COL12A1: variants seen among roughly 807,000 people sequenced by gnomAD.
COL12A1 encodes collagen type XII alpha 1 chain, also known as collagen alpha-1(XII) chain.
A neutral mutation model predicts 349.7 loss-of-function variants in COL12A1; 114 were observed. The observed-to-expected ratio is 0.33, with a 90% CI of 0.28 to 0.38. COL12A1 has a LOEUF of 0.38. COL12A1 is among the 10% of genes least tolerant of loss of function. The probability of loss-of-function intolerance (pLI) is 1.00; values close to 1 mark genes in which losing one functional copy is unlikely to be tolerated. For synonymous variants in COL12A1, 1,369 were observed against 1,329.0 expected (o/e 1.03, Z -0.66); for missense variants, 3,284 against 3,756.9 (o/e 0.87, Z 3.29).
At chr6:75,120,981 T>A (rs1769330781) in intron 44 of COL12A1, among the ~76,000 whole-genome samples, 1 of 152,192 alleles carries the variant, frequency 6.6e-6, no homozygotes, top group Admixed American at 6.5e-5. Flanking sequence ...AAGAATTTAA[T>A]ATCCAGAACT....
At position 75,202,742 on chromosome 6, in the gene COL12A1, G is replaced by A; in HGVS notation, c.51C>T (p.Leu17=). 2.3e-5 allele frequency: 35 copies of A among 1,551,912 alleles called. No homozygotes were observed. Among genetic ancestry groups the A allele is most frequent in the Non-Finnish European group, 2.9e-5 (33 of 1,147,046 alleles). Residue 17 remains leucine (L), a synonymous_variant, in exon 2 of 66, where the codon CTC becomes CTT. Transcript: ENST00000322507. Reference sequence around the variant, plus strand: ...TACCTTCTGCCTCAATGGAAGACAGGAGCAGGGCCGCGCCCAGGGCGGCAA... The same window carrying A: ...TACCTTCTGCCTCAATGGAAGACAGAAGCAGGGCCGCGCCCAGGGCGGCAA... The part of the protein sequence containing the change: ...PALAALGAAL[L]LSSIEAEVDP...
rs267601120 is a variant in COL12A1, at chr6:75,087,621, G to T, written c.9137C>A (p.Ser3046Tyr). 2 of 1,613,874 alleles carry T rather than the reference G, an allele frequency of 1.2e-6. No homozygotes were observed. The highest frequency in any genetic ancestry group is 1.7e-6 in the Non-Finnish European group (2 of 1,179,872). ...GPPGPPGYCD[S>Y]SQCASIPYNG... ...GTATGGGATGCTGGCACACTGAGAA[G>T]AATCACAGTATCCAGGAGGACCTGG... The change falls in exon 65 of 66, where the codon TCT becomes TAT. Residue 3046 changes from serine (S) to tyrosine (Y), a missense_variant. Around this residue, in one of 2 missense-constraint regions of COL12A1, gnomAD observed 683 missense variants for 932.1 expected, o/e 0.73. Coordinates refer to ENST00000322507, the MANE Select transcript of COL12A1 (RefSeq NM_004370.6).
rs756368336 is a variant in COL12A1 at position 75,181,009 on chromosome 6, C to G, written c.2094G>C (p.Leu698Phe). 32 of 1,613,866 alleles carry G rather than the reference C, an allele frequency of 2.0e-5. No homozygotes were observed. The highest frequency in any genetic ancestry group is 4.0e-5 in the African/African-American group (3 of 74,846). Residue 698 changes from leucine (L) to phenylalanine (F), a missense_variant, in exon 11 of 66, where the codon TTG becomes TTC. Coordinates refer to ENST00000322507, the MANE Select transcript of COL12A1 (RefSeq NM_004370.6). Reference protein sequence around the residue: ...LSSLKPETLYLVNVTAEYEDG... With the variant: ...LSSLKPETLYFVNVTAEYEDG... The stretch of plus-strand genomic sequence containing the variant: ...CCTCATACTCCGCAGTCACATTGAC[C>G]AAATACAAGGTCTCTGGCTTCAGGC...
intron 14 of COL12A1, among the ~76,000 whole-genome samples, chr6:75,162,575 C>A (rs1562254138): frequency 6.6e-6 from 1 of 152,140 alleles, no homozygotes; most frequent in Non-Finnish European, 1.5e-5. Context: ...AAAACCTATG[C>A]AATACCATTT....
intron 58 of COL12A1, among the ~76,000 whole-genome samples, chr6:75,100,813 T>A (rs1768271627): frequency 6.6e-6 from 1 of 152,224 alleles, no homozygotes; most frequent in South Asian, 2.1e-4. Flanking sequence ...GTCATATATT[T>A]TAACTTGATT....
rs551572211 is a variant in COL12A1 at position 75,168,791 on chromosome 6, G to T, written c.2711-3012C>A. Reference sequence around the variant, plus strand: ...AGGTGTGCTGGGTCAGTGTGGGAAGGAACCTCAAATCTGCTTTCACATAGA... The same window carrying T: ...AGGTGTGCTGGGTCAGTGTGGGAAGTAACCTCAAATCTGCTTTCACATAGA... On this transcript the variant is annotated intron_variant, in intron 13 of 65. Transcript: ENST00000322507. Among the ~76,000 whole-genome samples the T allele has an allele frequency of 4.3e-4, 66 of 152,268 alleles. No homozygotes were observed. The South Asian group carries it at 7.9e-3, about 18-fold the overall frequency.
At chr6:75,095,340 G>T (rs564793457) in intron 59 of COL12A1, among the ~76,000 whole-genome samples, 161 bp from the exon 60 acceptor site, 1 of 152,258 alleles carries the variant, frequency 6.6e-6, no homozygotes, top group African/African-American at 2.4e-5. Context: ...AAATAGGGCC[G>T]GGCGCGGTGG....
intron 10 of COL12A1, 115 bp from the exon 11 acceptor site, chr6:75,181,326 T>C: frequency 1.0e-6 from 1 of 986,188 alleles, no homozygotes; most frequent in Non-Finnish European, 1.5e-6. Context: ...ATGGTGCTCA[T>C]TGAGACTACT....
chr6:75,134,717 T>A lies in COL12A1; in HGVS notation c.5524+9A>T. On this transcript the variant is annotated intron_variant, in intron 32 of 65. Coordinates refer to ENST00000322507, the MANE Select transcript of COL12A1 (RefSeq NM_004370.6). ...TTAAAGAAGCTATAGGAACTCAGGT[T>A]TCACTTACTGGTCTTGCCTCTTCCC... 1 of 1,592,114 alleles carries A rather than the reference T, an allele frequency of 6.3e-7. No homozygotes were observed. The highest frequency in any genetic ancestry group is 8.6e-7 in the Non-Finnish European group (1 of 1,165,898).
intron 58 of COL12A1, among the ~76,000 whole-genome samples, chr6:75,098,999 A>G (rs1768182796): frequency 6.6e-6 from 1 of 152,200 alleles, no homozygotes; most frequent in South Asian, 2.1e-4. Context: ...GAGTCAGGTC[A>G]TTTTTTAGAG....
intron 27 of COL12A1, among the ~76,000 whole-genome samples, chr6:75,141,489 A>G (rs953066837): frequency 6.6e-6 from 1 of 152,218 alleles, no homozygotes; most frequent in African/African-American, 2.4e-5. Context: ...CTCCACTTAC[A>G]GTGCAGTCGC....
At chr6:75,096,655 G>A (rs953052375) in intron 59 of COL12A1, among the ~76,000 whole-genome samples, 2 of 152,180 alleles carry the variant, frequency 1.3e-5, no homozygotes, top group South Asian at 4.1e-4. Flanking sequence ...CCAGCACTTT[G>A]GGAGGCCGAG....
In COL12A1 at chr6:75,105,137, A is replaced by G. The variant is rs558227614; in HGVS notation, c.8265+69T>C. On this transcript the variant is annotated intron_variant, in intron 54 of 65. Transcript: ENST00000322507. ...AATTGAAGTATTTTACTGACTCCAT[A>G]TTGGCAAATAGATAATCACTCTAAA... 4.5e-6 allele frequency: 6 copies of G among 1,341,064 alleles called. No individual in the cohort carries two copies. The East Asian group carries it at 1.4e-4, about 31-fold the overall frequency. The allele number at this position is 1,341,064 out of a possible 1,614,324, so 83.1% of individuals were successfully genotyped here.
chr6:75,199,955 A>T (rs1169374634), intron 2 of COL12A1, among the ~76,000 whole-genome samples: 1 of 152,234 alleles, frequency 6.6e-6, no homozygotes, highest in Admixed American at 6.5e-5. Flanking sequence ...TATATAAAAC[A>T]TTAAGGTCAT....
chr6:75,102,107 A>T, intron 56 of COL12A1, 55 bp from the exon 57 acceptor site: 1 of 1,536,172 alleles, frequency 6.5e-7, no homozygotes, highest in Non-Finnish European at 9.0e-7. Flanking sequence ...ATTAAGCAAA[A>T]AAGGAAGACA....
At chr6:75,179,542 C>CAAAAAA (rs58457506) in intron 11 of COL12A1, among the ~76,000 whole-genome samples, 9 of 112,168 alleles carry the variant, frequency 8.0e-5, no homozygotes, top group African/African-American at 2.5e-4. Flanking sequence ...CTAAACCATG[C>CAAAAAA]AAAAAAAAAA....
chr6:75,171,803 C>A (rs2149446991), intron 13 of COL12A1, among the ~76,000 whole-genome samples: 1 of 152,252 alleles, frequency 6.6e-6, no homozygotes, highest in East Asian at 1.9e-4. Context: ...TAACCAGGGG[C>A]AAAAATCTTC....
At chr6:75,197,480 T>C (rs537466215) in intron 2 of COL12A1, among the ~76,000 whole-genome samples, 45 of 152,046 alleles carry the variant, frequency 3.0e-4, no homozygotes, top group Admixed American at 1.5e-3. Context: ...GCCTGGCTAA[T>C]TTTGTATTTT....
chr6:75,089,071 T>C, intron 64 of COL12A1, 35 bp downstream of exon 64: 1 of 1,474,742 alleles, frequency 6.8e-7, no homozygotes, highest in South Asian at 1.1e-5. Flanking sequence ...TCGGTATTTA[T>C]AGTCTTTGCC....
Sources: allele counts gnomAD v4.1 joint callset (sites outside exome capture counted in the v4.1 genomes callset), GRCh38; gene constraint gnomAD v4.1.1; regional missense constraint gnomAD v4.1.1; transcripts MANE v1.5; gene names NCBI Gene and HGNC (gene_info 2026-07-23, HGNC 2026-07-21).